Variants in DNAH9 observed in about 807,000 individuals in gnomAD.
DNAH9 encodes DNAH9 variant protein.
Under a neutral mutation model 471.6 loss-of-function variants are expected in DNAH9, and 345 were observed. That is an observed-to-expected ratio of 0.73 (90% CI 0.67 to 0.80). The LOEUF is 0.80. DNAH9 is among the 30% of genes least tolerant of loss of function. DNAH9 has a pLI of 0.00. For synonymous variants in DNAH9, 2,093 were observed against 2,123.6 expected, an observed-to-expected ratio of 0.99 and a Z score of 0.40; for missense variants, 5,407 against 5,609.2, an observed-to-expected ratio of 0.96 and a Z score of 1.15.
chr17:11,724,149 G>A (rs1001772874), intron 27 of DNAH9, among the ~76,000 whole-genome samples: 7 of 152,024 alleles, frequency 4.6e-5, no homozygotes, highest in East Asian at 1.9e-4. Context: ...AGGGTAATTA[G>A]GATAACCATC....
At chr17:11,827,777 C>G (rs796987671) in intron 48 of DNAH9, among the ~76,000 whole-genome samples, 20 of 152,184 alleles carry the variant, frequency 1.3e-4, no homozygotes, top group African/African-American at 4.8e-4. Context: ...CCTCCGCCTC[C>G]CAGGCTCAAG....
At chr17:11,742,134 AC>A in intron 29 of DNAH9, 40 bp from the exon 30 acceptor site, 1 of 1,606,472 alleles carries the variant, frequency 6.2e-7, no homozygotes, top group Non-Finnish European at 8.5e-7. Context: ...TCAACACTGT[AC>A]TTGGGAAACT....
intron 17 of DNAH9, among the ~76,000 whole-genome samples, chr17:11,672,013 A>G (rs1041065908): frequency 6.6e-6 from 1 of 152,250 alleles, no homozygotes; most frequent in African/African-American, 2.4e-5. Flanking sequence ...ACTTTAGAAG[A>G]AGATTTTATT....
In DNAH9 at chr17:11,762,773, T is replaced by TGTTTGTTTG. The variant is rs1436527263; in HGVS notation, c.6996-667_6996-666insGTTTGTTTG. 1.2e-3 allele frequency among the ~76,000 whole-genome samples: 135 copies of TGTTTGTTTG among 109,282 alleles called. 2 individuals are homozygous for TGTTTGTTTG. The highest frequency in any genetic ancestry group is 4.7e-3 in the South Asian group (15 of 3,224). The allele number at this position is 109,282 out of a possible 152,430, so 71.7% of individuals were successfully genotyped here. On this transcript the variant is annotated intron_variant, in intron 35 of 68. Coordinates refer to ENST00000262442, the MANE Select transcript of DNAH9 (RefSeq NM_001372.4). ...CTTTAGGTGCGTTTTTTTTTTTGTT[T>TGTTTGTTTG]TTTTTTTTTTTTTTTTTTTTTTTTG...
In DNAH9 at chr17:11,708,528, T is replaced by TG. The variant is rs201086369; in HGVS notation, c.5552+3349dup. Reference sequence around the variant, plus strand: ...AGGAAGTAGCAACTGGAGTTGGGGGTGGGGGGCGTGGAGTCTTAACAGGTG... The same window carrying TG: ...AGGAAGTAGCAACTGGAGTTGGGGGTGGGGGGGCGTGGAGTCTTAACAGGTG... On this transcript the variant is annotated intron_variant, in intron 26 of 68. Coordinates refer to ENST00000262442, the MANE Select transcript of DNAH9 (RefSeq NM_001372.4). Among the ~76,000 whole-genome samples the TG allele has an allele frequency of 7.6e-3, 1,154 of 151,548 alleles. 9 individuals carry two copies. Among genetic ancestry groups the TG allele is most frequent in the Non-Finnish European group, 0.011 (754 of 67,878 alleles).
intron 30 of DNAH9, among the ~76,000 whole-genome samples, chr17:11,743,659 G>A (rs943372982): frequency 3.9e-5 from 6 of 152,068 alleles, no homozygotes; most frequent in Non-Finnish European, 1.5e-5. Flanking sequence ...CTGAGCCTGT[G>A]GACATCCTGT....
chr17:11,854,829 G>C (rs115360045), intron 50 of DNAH9, among the ~76,000 whole-genome samples: 3,431 of 152,278 alleles, frequency 0.023, 134 homozygotes, highest in African/African-American at 0.078. Context: ...AAATGTGTCA[G>C]CTATCTGCAT....
Position 11,744,942 on chromosome 17 carries a change from A to C in DNAH9, c.6257A>C (p.Asp2086Ala), listed in dbSNP as rs759632755. 1 of 1,614,172 alleles carries C rather than the reference A, an allele frequency of 6.2e-7. No homozygotes were observed. The highest frequency in any genetic ancestry group is 8.5e-7 in the Non-Finnish European group (1 of 1,180,032). Residue 2086 changes from aspartate (D) to alanine (A), a missense_variant, in exon 31 of 69, where the codon GAC becomes GCC. By Grantham distance (126) the Asp-to-Ala change is moderately radical. This residue lies in a region of DNAH9 where 4,636 missense variants were observed against 4,900.3 expected (regional missense o/e 0.95). Transcript: ENST00000262442. ...AACATCCCCAAGATTGTGACTGATG[A>C]CATGCCCATCTTCATGGGCCTGATC... is the stretch of plus-strand genomic sequence containing the variant. ...DFNIPKIVTD[D>A]MPIFMGLIGD...
chr17:11,640,469 C>T, intron 10 of DNAH9, 85 bp downstream of exon 10: 1 of 919,616 alleles, frequency 1.1e-6, no homozygotes, highest in Admixed American at 1.9e-5. Flanking sequence ...ATGCAACCTG[C>T]TTAACGAAGG....
intron 67 of DNAH9, among the ~76,000 whole-genome samples, chr17:11,949,169 T>C (rs1432130022): frequency 6.6e-6 from 1 of 152,192 alleles, no homozygotes; most frequent in South Asian, 2.1e-4. Flanking sequence ...ATGAAAGCAT[T>C]TATTGATAGG....
intron 3 of DNAH9, 122 bp from the exon 4 acceptor site, chr17:11,611,528 A>G: frequency 1.0e-6 from 1 of 994,880 alleles, no homozygotes; most frequent in Non-Finnish European, 1.5e-6. Context: ...GGGCTGGAGC[A>G]CAGCCTCTGT....
chr17:11,849,790 G>A (rs921013572), intron 49 of DNAH9, among the ~76,000 whole-genome samples: 7 of 152,142 alleles, frequency 4.6e-5, no homozygotes, highest in Admixed American at 2.6e-4. Flanking sequence ...TTTGTTGCCT[G>A]TCTCCCCCAC....
At chr17:11,808,035 C>A in intron 44 of DNAH9, 141 bp downstream of exon 44, 1 of 1,039,640 alleles carries the variant, frequency 9.6e-7, no homozygotes, top group Non-Finnish European at 1.4e-6. Context: ...AGGTTCTGGG[C>A]TGGTGATGTG....
At chr17:11,750,612 A>G (rs1567773503) in intron 32 of DNAH9, among the ~76,000 whole-genome samples, 1 of 152,162 alleles carries the variant, frequency 6.6e-6, no homozygotes, top group Non-Finnish European at 1.5e-5. Context: ...AATTAGAAAC[A>G]AATAGCAAGA....
chr17:11,742,276 C>G lies in DNAH9; in HGVS notation c.6074C>G (p.Thr2025Ser). 1.2e-6 allele frequency: 2 copies of G among 1,614,164 alleles called. No homozygotes were observed. Among genetic ancestry groups the G allele is most frequent in the Non-Finnish European group, 1.7e-6 (2 of 1,180,004 alleles). Reference protein sequence around the residue: ...EAQSLARKFITLYQLCKELLS... With the variant: ...EAQSLARKFISLYQLCKELLS... ...CAGTCATTAGCCAGAAAGTTCATCA[C>G]TCTTTACCAGTTGTGCAAAGAGCTT... Residue 2025 changes from threonine (T) to serine (S), a missense_variant, in exon 30 of 69, where the codon ACT (threonine) becomes AGT (serine). Around this residue, in one of 3 missense-constraint regions of DNAH9, gnomAD observed 4,636 missense variants for 4,900.3 expected, o/e 0.95. Coordinates refer to ENST00000262442, the MANE Select transcript of DNAH9 (RefSeq NM_001372.4).
intron 6 of DNAH9, among the ~76,000 whole-genome samples, chr17:11,622,968 C>CTTTTTTTTT (rs10551080): frequency 6.6e-5 from 7 of 105,380 alleles, no homozygotes; most frequent in Admixed American, 1.1e-4. Context: ...TTTTCTTTTT[C>CTTTTTTTTT]TTTTTTTTTT....
intron 26 of DNAH9, among the ~76,000 whole-genome samples, chr17:11,709,689 G>A (rs1359623039): frequency 6.6e-6 from 1 of 152,146 alleles, no homozygotes; most frequent in African/African-American, 2.4e-5. Context: ...CTAAGTTGAA[G>A]AACTAAATGG....
intron 67 of DNAH9, among the ~76,000 whole-genome samples, chr17:11,948,016 C>A (rs773673286): frequency 6.6e-6 from 1 of 151,814 alleles, no homozygotes; most frequent in Non-Finnish European, 1.5e-5. Context: ...CCACCCACCT[C>A]GGCCTCCCAA....
chr17:11,662,164 C>T (rs563394293), intron 14 of DNAH9, among the ~76,000 whole-genome samples: 128 of 152,196 alleles, frequency 8.4e-4, no homozygotes, highest in African/African-American at 2.8e-3. Flanking sequence ...TATAAGAAGT[C>T]AGTCATAATT....
Sources: gnomAD v4.1 joint callset for allele counts (sites outside exome capture counted in the v4.1 genomes callset) on GRCh38, gnomAD v4.1.1 for gene constraint, gnomAD v4.1.1 regional missense constraint, MANE v1.5 for transcripts, NCBI Gene and HGNC (gene_info 2026-07-23, HGNC 2026-07-21) for gene names.